KLF15: variants seen among roughly 807,000 people sequenced by gnomAD.
The protein encoded by KLF15 is KLF transcription factor 15.
Under a neutral mutation model 24.6 loss-of-function variants are expected in KLF15, and 4 were observed. That is an observed-to-expected ratio of 0.16 (90% CI 0.08 to 0.37). The LOEUF is 0.37. KLF15 is among the 10% of genes least tolerant of loss of function. KLF15 has a pLI of 1.00. For missense variants in KLF15, 496 were observed against 560.6 expected, an observed-to-expected ratio of 0.88 and a Z score of 1.16; for synonymous variants, 246 against 236.3, an observed-to-expected ratio of 1.04 and a Z score of -0.37.
the KLF15 span, among the ~76,000 whole-genome samples, chr3:126,292,770 A>G: frequency 1.3e-5 from 2 of 152,130 alleles, no homozygotes; most frequent in African/African-American, 4.8e-5. Context: ...TGCAGCTCCC[A>G]GAAGGAGACA....
intron 2 of KLF15, 69 bp from the exon 3 acceptor site, chr3:126,343,964 T>C: frequency 6.9e-7 from 1 of 1,459,770 alleles, no homozygotes; most frequent in East Asian, 2.5e-5. Context: ...CCCACGAAGT[T>C]GCCGGGATGC....
chr3:126,290,113 G>A, the KLF15 span, among the ~76,000 whole-genome samples: 1 of 152,194 alleles, frequency 6.6e-6, no homozygotes, highest in African/African-American at 2.4e-5. Flanking sequence ...GGGAAAGGCA[G>A]CTTCTTGCAT....
At chr3:126,343,967 C>G in intron 2 of KLF15, 72 bp from the exon 3 acceptor site, 1 of 1,455,122 alleles carries the variant, frequency 6.9e-7, no homozygotes, top group Non-Finnish European at 9.1e-7. Context: ...ACGAAGTTGC[C>G]GGGATGCAAG....
chr3:126,303,729 TAACTA>T, the KLF15 span, among the ~76,000 whole-genome samples: 8 of 152,060 alleles, frequency 5.3e-5, no homozygotes, highest in East Asian at 5.8e-4. Flanking sequence ...TCTTTTTTTT[TAACTA>T]AACTCTCTCT....
the KLF15 span, among the ~76,000 whole-genome samples, chr3:126,317,942 T>C: frequency 1.2e-4 from 18 of 152,232 alleles, no homozygotes; most frequent in Non-Finnish European, 2.1e-4. Context: ...CTAACATACG[T>C]TGGTGACTCA....
the KLF15 span, among the ~76,000 whole-genome samples, chr3:126,297,962 C>A: frequency 6.6e-6 from 1 of 152,136 alleles, no homozygotes; most frequent in Non-Finnish European, 1.5e-5. Context: ...TGGGTAGGTA[C>A]CCAGTAGCAG....
At chr3:126,292,229 G>T in the KLF15 span, among the ~76,000 whole-genome samples, 1 of 152,156 alleles carries the variant, frequency 6.6e-6, no homozygotes, top group Non-Finnish European at 1.5e-5. Flanking sequence ...CCCACACCGG[G>T]CCATTCATTA....
chr3:126,301,899 G>T, the KLF15 span, among the ~76,000 whole-genome samples: 4 of 151,968 alleles, frequency 2.6e-5, no homozygotes, highest in South Asian at 8.3e-4. Flanking sequence ...ACAGGAGTGA[G>T]CCACCGTGCC....
the KLF15 span, among the ~76,000 whole-genome samples, chr3:126,330,018 T>A: frequency 6.6e-6 from 1 of 152,116 alleles, no homozygotes; most frequent in African/African-American, 2.4e-5. Flanking sequence ...GGCTTGGCCG[T>A]ATGACTTGTT....
chr3:126,356,617 G>T lies in KLF15; in HGVS notation c.-26+620C>A, dbSNP rs528600619. Among the ~76,000 whole-genome samples, 11 of 152,256 alleles carry T rather than the reference G, an allele frequency of 7.2e-5. No individual in the cohort carries two copies. The South Asian group carries it at 2.1e-3, about 29-fold the overall frequency. Reference sequence around the variant, plus strand: ...TCCTGTCGTGTGACTGCGTGTGCGGGGCGTGGTGCGCGGCAGCCGCTGTGG... The same window carrying T: ...TCCTGTCGTGTGACTGCGTGTGCGGTGCGTGGTGCGCGGCAGCCGCTGTGG... On this transcript the variant is annotated intron_variant, in intron 1 of 2. Transcript: ENST00000296233. The surrounding 1 kb of genome is among the most constrained non-coding windows in gnomAD (Gnocchi z 4.4).
At chr3:126,331,770 G>A in the KLF15 span, among the ~76,000 whole-genome samples, 1 of 152,232 alleles carries the variant, frequency 6.6e-6, no homozygotes, top group East Asian at 1.9e-4. Flanking sequence ...TGCACTGTGT[G>A]CAAGCCGAAG....
At chr3:126,299,874 A>C in the KLF15 span, among the ~76,000 whole-genome samples, 8 of 151,532 alleles carry the variant, frequency 5.3e-5, no homozygotes, top group Admixed American at 5.3e-4. Context: ...GGAGAAGCCC[A>C]CCCTGCAGAC....
At chr3:126,311,026 C>T in the KLF15 span, among the ~76,000 whole-genome samples, 4 of 152,288 alleles carry the variant, frequency 2.6e-5, no homozygotes, top group East Asian at 7.7e-4. Flanking sequence ...TGTACTTCAC[C>T]AGCATCCTCA....
At chr3:126,329,977 C>T in the KLF15 span, among the ~76,000 whole-genome samples, 1 of 152,052 alleles carries the variant, frequency 6.6e-6, no homozygotes, top group African/African-American at 2.4e-5. Flanking sequence ...GCCCCTCATT[C>T]ATCCACACCC....
At chr3:126,342,382 G>A (rs1372094311), downstream of KLF15, among the ~76,000 whole-genome samples, 1 of 152,204 alleles carries the variant, frequency 6.6e-6, no homozygotes, top group African/African-American at 2.4e-5. Flanking sequence ...CTGTCGGAAT[G>A]TGGGCTGGAT....
At chr3:126,339,531 A>G (rs2082463940), downstream of KLF15, among the ~76,000 whole-genome samples, 1 of 152,068 alleles carries the variant, frequency 6.6e-6, no homozygotes, top group Non-Finnish European at 1.5e-5. Flanking sequence ...CTTTTGAACA[A>G]GCCCCATTTT....
chr3:126,343,951 G>T, intron 2 of KLF15, 56 bp from the exon 3 acceptor site: 2 of 1,489,976 alleles, frequency 1.3e-6, no homozygotes, highest in South Asian at 2.8e-5. Context: ...TGCCTGCCCC[G>T]ACCCCACGAA....
chr3:126,349,981 G>A (rs554448491), intron 2 of KLF15, among the ~76,000 whole-genome samples: 8 of 152,192 alleles, frequency 5.3e-5, no homozygotes, highest in Non-Finnish European at 1.0e-4. Flanking sequence ...CAAGGAGGCC[G>A]CTGTGGAGCC....
rs886885465 is a variant in KLF15 at position 126,356,157 on chromosome 3, G to C, written c.-26+1080C>G. ...GCCATTGGGTCAGCGTGCAAATCAC[G>C]GGGGTGGCGGCGGGGGCTGTCCTTC... On this transcript the variant is annotated intron_variant, in intron 1 of 2. Coordinates refer to ENST00000296233, the MANE Select transcript of KLF15 (RefSeq NM_014079.4). The surrounding 1 kb of genome is among the most constrained non-coding windows in gnomAD (Gnocchi z 4.4). 6.6e-6 allele frequency among the ~76,000 whole-genome samples: 1 copy of C among 152,184 alleles called. No individual in the cohort carries two copies. Among genetic ancestry groups the C allele is most frequent in the Non-Finnish European group, 1.5e-5 (1 of 68,028 alleles).
Sources: allele counts gnomAD v4.1 joint callset (sites outside exome capture counted in the v4.1 genomes callset), GRCh38; gene constraint gnomAD v4.1.1; non-coding constraint Gnocchi (gnomAD v3.1); transcripts MANE v1.5; gene names NCBI Gene and HGNC (gene_info 2026-07-23, HGNC 2026-07-21).